Variants in ELOVL6 observed in about 807,000 individuals in gnomAD.
ELOVL6 encodes the protein ELOVL fatty acid elongase 6, also known as very long chain fatty acid elongase 6.
ELOVL6 carries 8 observed loss-of-function variants against 31.7 expected under a neutral mutation model. That is an observed-to-expected ratio of 0.25 (90% CI 0.15 to 0.45). The LOEUF (loss-of-function observed/expected upper bound fraction) is 0.45, where lower values mean the gene tolerates loss of function less well. ELOVL6 is among the 20% of genes least tolerant of loss of function. The pLI is 1.00. For synonymous variants in ELOVL6, 101 were observed against 117.7 expected, an observed-to-expected ratio of 0.86 and a Z score of 0.92; for missense variants, 126 against 326.4, an observed-to-expected ratio of 0.39 and a Z score of 4.73.
intron 1 of ELOVL6, among the ~76,000 whole-genome samples, chr4:110,126,460 C>T (rs931076220): frequency 2.6e-5 from 4 of 151,950 alleles, no homozygotes; most frequent in Admixed American, 6.6e-5. Flanking sequence ...TTTTGGGAGG[C>T]CTCCCAAGGA....
intron 2 of ELOVL6, among the ~76,000 whole-genome samples, chr4:110,102,994 T>A (rs918405120): frequency 6.6e-6 from 1 of 152,158 alleles, no homozygotes; most frequent in East Asian, 1.9e-4. Flanking sequence ...TCCCGTGCTA[T>A]TCTCATGATA....
intron 1 of ELOVL6, among the ~76,000 whole-genome samples, chr4:110,160,853 A>T (rs189855258): frequency 6.6e-6 from 1 of 152,350 alleles, no homozygotes; most frequent in East Asian, 1.9e-4. Flanking sequence ...GAAGGAATGC[A>T]AGCATCTCAC....
rs1476183246 is a variant in ELOVL6 at position 110,126,729 on chromosome 4, G to A, written c.90-21101C>T. Among the ~76,000 whole-genome samples, 3 of 152,220 alleles carry A rather than the reference G, an allele frequency of 2.0e-5. No individual in the cohort carries two copies. The East Asian group carries it at 5.8e-4, about 29-fold the overall frequency. ...CAGATTTCCTCCTCCCAGACTTTCT[G>A]AATCCAGAAGAGTAACCATAAAGTG... On this transcript the variant is annotated intron_variant, in intron 1 of 3. Coordinates refer to ENST00000302274, the MANE Select transcript of ELOVL6 (RefSeq NM_024090.3).
intron 1 of ELOVL6, among the ~76,000 whole-genome samples, chr4:110,130,082 G>A (rs1757625780): frequency 6.6e-6 from 1 of 151,736 alleles, no homozygotes; most frequent in Non-Finnish European, 1.5e-5. Context: ...ATTTTTAGTA[G>A]AGATGGGGTT....
In ELOVL6 at chr4:110,148,109, C is replaced by CAA. The variant is rs1157605540; in HGVS notation, c.90-42483_90-42482dup. Among the ~76,000 whole-genome samples the CAA allele has an allele frequency of 5.3e-3, 289 of 54,724 alleles. 7 individuals carry two copies. The highest frequency in any genetic ancestry group is 0.015 in the African/African-American group (236 of 16,250). The allele number at this position is 54,724 out of a possible 152,430, so 35.9% of individuals were successfully genotyped here. On this transcript the variant is annotated intron_variant, in intron 1 of 3. Coordinates refer to ENST00000302274, the MANE Select transcript of ELOVL6 (RefSeq NM_024090.3). ...GGGCAACAAGAGCAAAACTCGGTCT[C>CAA]AAAAAAAAAAAAAAAAAAAAGCCAA...
At chr4:110,167,703 ATGTATGTT>A (rs1560854127) in intron 1 of ELOVL6, among the ~76,000 whole-genome samples, 4 of 104,368 alleles carry the variant, frequency 3.8e-5, no homozygotes, top group South Asian at 5.9e-4. Flanking sequence ...GTATGTATGT[ATGTATGTT>A]TGTATGTAGA....
intron 2 of ELOVL6, among the ~76,000 whole-genome samples, chr4:110,073,393 G>A (rs1423982114): frequency 1.3e-5 from 2 of 152,138 alleles, no homozygotes; most frequent in African/African-American, 2.4e-5. Context: ...TGTCTTTGGG[G>A]AAAAAGTCTG....
At chr4:110,122,895 A>G (rs1163063920) in intron 1 of ELOVL6, among the ~76,000 whole-genome samples, 1 of 152,002 alleles carries the variant, frequency 6.6e-6, no homozygotes, top group African/African-American at 2.4e-5. Context: ...CTGTGAAGAT[A>G]CTCCCTGACT....
intron 2 of ELOVL6, among the ~76,000 whole-genome samples, chr4:110,079,513 G>A (rs1755765340): frequency 1.3e-5 from 2 of 151,952 alleles, no homozygotes; most frequent in Admixed American, 1.3e-4. Flanking sequence ...CGAAATGAAA[G>A]CAGAAATAAA....
intron 2 of ELOVL6, among the ~76,000 whole-genome samples, chr4:110,097,305 C>CAAAAAAAAAAAAAAAAAAAAAAAAAA (rs33970271): frequency 1.1e-5 from 1 of 88,684 alleles, no homozygotes; most frequent in African/African-American, 4.0e-5. Flanking sequence ...ACTCCATCTC[C>CAAAAAAAAAAAAAAAAAAAAAAAAAA]AAAAAAAAAA....
At chr4:110,132,022 G>A (rs1472659995) in intron 1 of ELOVL6, among the ~76,000 whole-genome samples, 1 of 152,164 alleles carries the variant, frequency 6.6e-6, no homozygotes, top group East Asian at 1.9e-4. Context: ...CACTCAGTGG[G>A]GTGGGGTGCA....
Position 110,095,178 on chromosome 4 carries a change from G to A in ELOVL6, c.221+10319C>T, listed in dbSNP as rs981100565. ...AGAATGGAGAAAGAGTAAGTGCAGC[G>A]TGTTCAAAGACATGAAATTAGGCCT... On this transcript the variant is annotated intron_variant, in intron 2 of 3. Coordinates refer to ENST00000302274, the MANE Select transcript of ELOVL6 (RefSeq NM_024090.3). Among the ~76,000 whole-genome samples, 10 of 152,078 alleles carry A rather than the reference G, an allele frequency of 6.6e-5. No individual in the cohort carries two copies. In the South Asian group the frequency reaches 8.3e-4, roughly 13 times the overall value.
intron 1 of ELOVL6, among the ~76,000 whole-genome samples, chr4:110,127,406 CAA>C (rs572027886): frequency 1.2e-5 from 1 of 85,506 alleles, no homozygotes; most frequent in Non-Finnish European, 2.1e-5. Context: ...GATTCCGTCT[CAA>C]AAAAAAAAAA....
chr4:110,168,533 A>G (rs1758846961), intron 1 of ELOVL6, among the ~76,000 whole-genome samples: 1 of 152,152 alleles, frequency 6.6e-6, no homozygotes, highest in Admixed American at 6.5e-5. Flanking sequence ...AAAAAAAAAA[A>G]AAGTCAAATT....
At chr4:110,116,849 G>A (rs1043259131) in intron 1 of ELOVL6, among the ~76,000 whole-genome samples, 19 of 152,208 alleles carry the variant, frequency 1.2e-4, no homozygotes, top group African/African-American at 4.6e-4. Flanking sequence ...TGGCCTGCTA[G>A]CAGCAGCATT....
intron 1 of ELOVL6, among the ~76,000 whole-genome samples, chr4:110,180,464 G>A (rs932696411): frequency 2.8e-4 from 43 of 152,180 alleles, no homozygotes; most frequent in Non-Finnish European, 5.9e-5. Flanking sequence ...GTTAACTGCT[G>A]CCTCAAACTC....
At chr4:110,081,953 G>C (rs372949348) in intron 2 of ELOVL6, among the ~76,000 whole-genome samples, 10,265 of 147,812 alleles carry the variant, frequency 0.069, 480 homozygotes, top group South Asian at 0.11. Flanking sequence ...AGACACTTCT[G>C]AAAAGAAGAC....
intron 1 of ELOVL6, among the ~76,000 whole-genome samples, chr4:110,117,246 T>C (rs1014141643): frequency 1.3e-5 from 2 of 152,076 alleles, no homozygotes; most frequent in Admixed American, 6.5e-5. Context: ...AGTGCTAAGG[T>C]TGAGGATCCT....
At chr4:110,173,122 A>C (rs1759002158) in intron 1 of ELOVL6, among the ~76,000 whole-genome samples, 1 of 152,198 alleles carries the variant, frequency 6.6e-6, no homozygotes, top group African/African-American at 2.4e-5. Flanking sequence ...TGATCTGCCT[A>C]TCTGTGTATT....
Sources: gnomAD v4.1 joint callset for allele counts (sites outside exome capture counted in the v4.1 genomes callset) on GRCh38, gnomAD v4.1.1 for gene constraint, MANE v1.5 for transcripts, NCBI Gene and HGNC (gene_info 2026-07-23, HGNC 2026-07-21) for gene names.